CCZ1: variants seen among roughly 807,000 people sequenced by gnomAD.
CCZ1 encodes vacuolar fusion protein CCZ1 homolog.
Under a neutral mutation model 57.8 loss-of-function variants are expected in CCZ1, and 19 were observed. The ratio of observed to expected loss-of-function variants is 0.33; its 90% CI spans 0.23 to 0.48. The LOEUF (loss-of-function observed/expected upper bound fraction) is 0.48, where lower values mean the gene tolerates loss of function less well. Among genes scored for constraint, CCZ1 ranks in the 20% least tolerant of loss-of-function variants. CCZ1 has a pLI of 0.99. For missense variants in CCZ1, 200 were observed against 492.0 expected (o/e 0.41, Z 5.61); for synonymous variants, 81 against 167.0 (o/e 0.49, Z 3.97).
At chr7:5,901,075 T>C (rs1781676000) in intron 4 of CCZ1, 143 bp downstream of exon 4, 1 of 435,102 alleles carries the variant, frequency 2.3e-6, no homozygotes, top group East Asian at 4.0e-5. Context: ...GTTTATCATT[T>C]ACATGAGCAC....
At chr7:5,916,678 G>C (rs117062389) in intron 10 of CCZ1, among the ~76,000 whole-genome samples, 1 of 147,846 alleles carries the variant, frequency 6.8e-6, no homozygotes, top group Non-Finnish European at 1.5e-5. Context: ...CCTGAGCCTC[G>C]AGATCCAGAG....
intron 7 of CCZ1, among the ~76,000 whole-genome samples, chr7:5,907,884 A>C (rs1781871655): frequency 7.9e-6 from 1 of 126,986 alleles, no homozygotes; most frequent in Non-Finnish European, 1.6e-5. Context: ...ATCACTTGAG[A>C]CCAGGAGTTC....
intron 7 of CCZ1, among the ~76,000 whole-genome samples, chr7:5,907,737 C>G (rs1233357290): frequency 7.2e-6 from 1 of 138,998 alleles, no homozygotes; most frequent in African/African-American, 2.7e-5. Context: ...CTGCACAGAA[C>G]TGTTCTGTTG....
Position 5,906,700 on chromosome 7 carries a change from T to A in CCZ1, c.698+1431T>A, listed in dbSNP as rs1230004986. Among the ~76,000 whole-genome samples, 3 of 149,590 alleles carry A rather than the reference T, an allele frequency of 2.0e-5. 1 individual carries two copies. The highest frequency in any genetic ancestry group is 7.4e-5 in the African/African-American group (3 of 40,376). On this transcript the variant is annotated intron_variant, in intron 7 of 14. Transcript: ENST00000325974. ...ATTCAGCTAATAGAAAAGGCAAAAC[T>A]AGTTCCCCTAAAATTTACCTTCCCT...
In CCZ1 at chr7:5,925,934, A is replaced by C. The variant is rs1300886970; in HGVS notation, c.*247A>C. On this transcript the variant is annotated 3_prime_UTR_variant, in exon 15 of 15. Transcript: ENST00000325974. The stretch of plus-strand genomic sequence containing the variant: ...TCTTTTGACATTATGTGAATATTTT[A>C]CTGGAAAATAAGACTAATAAATTGT... 1.5e-6 allele frequency: 1 copy of C among 685,738 alleles called. No homozygotes were observed. The highest frequency in any genetic ancestry group is 2.7e-5 in the East Asian group (1 of 36,468). The allele number at this position is 685,738 out of a possible 1,614,324, so 42.5% of individuals were successfully genotyped here.
rs200899553 is a variant in CCZ1 at position 5,920,470 on chromosome 7, C to CT, written c.1106+521dup. Among the ~76,000 whole-genome samples the CT allele has an allele frequency of 1.3e-3, 122 of 95,970 alleles. 10 individuals carry two copies. Among genetic ancestry groups the CT allele is most frequent in the East Asian group, 3.5e-3 (13 of 3,746 alleles). 63.0% of individuals were successfully genotyped at this position (95,970 alleles called of 152,430 possible). ...ATGTCCTTGAATTCTTTCTCCCTGG[C>CT]TTTTTTTTTTTTTTTTTGAGACAAA... On this transcript the variant is annotated intron_variant, in intron 12 of 14. Transcript: ENST00000325974.
In CCZ1 at chr7:5,914,983, CACACCAAGAAGGA is replaced by C. The variant is rs1389989569; in HGVS notation, c.954+2034_954+2046del. On this transcript the variant is annotated intron_variant, in intron 10 of 14. Coordinates refer to ENST00000325974, the MANE Select transcript of CCZ1 (RefSeq NM_015622.6). ...GTCATCCGTCAGCAGAATAAGTGAGCACACCAAGAAGGAACACTTGGGAATCCAGAACAGTAGT... is the reference window on the plus strand; with the variant it reads ...GTCATCCGTCAGCAGAATAAGTGAGCACACTTGGGAATCCAGAACAGTAGT... Among the ~76,000 whole-genome samples, 6 of 147,020 alleles carry C rather than the reference CACACCAAGAAGGA, an allele frequency of 4.1e-5. No individual in the cohort carries two copies. The East Asian group carries it at 1.3e-3, about 33-fold the overall frequency.
intron 7 of CCZ1, among the ~76,000 whole-genome samples, chr7:5,907,694 T>C (rs1486749084): frequency 6.9e-6 from 1 of 144,864 alleles, no homozygotes; most frequent in Non-Finnish European, 1.5e-5. Flanking sequence ...TGGAATAGCA[T>C]CTGAGGGGTT....
intron 1 of CCZ1, among the ~76,000 whole-genome samples, chr7:5,899,332 GGGGTGTGTGTGT>G (rs1183432069): frequency 0.17 from 21,855 of 128,320 alleles, 1,483 homozygotes; most frequent in African/African-American, 0.19. Context: ...TTTCGGGAGG[GGGGTGTGTGTGT>G]GTGTGTGTGT....
rs1305813720 is a variant in CCZ1, at chr7:5,913,554, T to C, written c.954+600T>C. Reference sequence around the variant, plus strand: ...CAGGAAGGAGCGGGATGTGTCAGGATGAGGGAGTCCTGTCCCTCTCTGGAA... The same window carrying C: ...CAGGAAGGAGCGGGATGTGTCAGGACGAGGGAGTCCTGTCCCTCTCTGGAA... On this transcript the variant is annotated intron_variant, in intron 10 of 14. Transcript: ENST00000325974. Among the ~76,000 whole-genome samples, 18 of 147,856 alleles carry C rather than the reference T, an allele frequency of 1.2e-4. No individual in the cohort carries two copies. In the South Asian group the frequency reaches 2.1e-3, roughly 18 times the overall value.
chr7:5,925,985 G>GTGT lies in CCZ1; in HGVS notation c.*301_*303dup, dbSNP rs1779372664. 1 of 523,796 alleles carries GTGT rather than the reference G, an allele frequency of 1.9e-6. No homozygotes were observed. The highest frequency in any genetic ancestry group is 3.5e-6 in the Non-Finnish European group (1 of 285,068). The allele number at this position is 523,796 out of a possible 1,614,324, so 32.4% of individuals were successfully genotyped here. A position where few individuals can be genotyped will look rare whatever the true frequency, so the allele number is the denominator to read the frequency against. ...TAAAAGTTTTTAAAATTCTGGTTTG[G>GTGT]TGTTGAGTCTCTCTCCTGCTGCCTA... On this transcript the variant is annotated 3_prime_UTR_variant, in exon 15 of 15. Coordinates refer to ENST00000325974, the MANE Select transcript of CCZ1 (RefSeq NM_015622.6).
chr7:5,909,689 C>T (rs1781921226), intron 7 of CCZ1, among the ~76,000 whole-genome samples: 2 of 123,304 alleles, frequency 1.6e-5, no homozygotes, highest in Admixed American at 1.8e-4. Context: ...CAGAGCAAGA[C>T]CTTGTCTCAA....
At chr7:5,912,376 CCTTT>C (rs1779057638) in intron 9 of CCZ1, among the ~76,000 whole-genome samples, 2 of 99,850 alleles carry the variant, frequency 2.0e-5, no homozygotes, top group African/African-American at 4.1e-5. Flanking sequence ...TTCAGCATAC[CCTTT>C]TTTTTTTTTT....
Position 5,911,520 on chromosome 7 carries a change from C to T in CCZ1, c.781-341C>T, listed in dbSNP as rs1779031939. 1.3e-5 allele frequency among the ~76,000 whole-genome samples: 2 copies of T among 148,964 alleles called. 1 individual carries two copies. Among genetic ancestry groups the T allele is most frequent in the South Asian group, 4.4e-4 (2 of 4,544 alleles). On this transcript the variant is annotated intron_variant, in intron 8 of 14. Coordinates refer to ENST00000325974, the MANE Select transcript of CCZ1 (RefSeq NM_015622.6). ...ATGTTGCCCAGGCTATTCTCAAACT[C>T]CTGGGCTCAAGTAATCTGCCTGCCT...
chr7:5,912,679 C>T (rs538603548), intron 9 of CCZ1, among the ~76,000 whole-genome samples, 164 bp from the exon 10 acceptor site: 1 of 151,264 alleles, frequency 6.6e-6, no homozygotes, highest in South Asian at 2.1e-4. Flanking sequence ...GGATTACAGG[C>T]ATGAGCCACC....
chr7:5,916,498 G>GT (rs764065119), intron 10 of CCZ1, among the ~76,000 whole-genome samples: 3 of 111,008 alleles, frequency 2.7e-5, no homozygotes, highest in Non-Finnish European at 3.8e-5. Context: ...TTTTTGTTTT[G>GT]TTTTTTGTTT....
At chr7:5,900,700 A>C (rs1781667061) in intron 3 of CCZ1, 134 bp downstream of exon 3, 2 of 1,426,564 alleles carry the variant, frequency 1.4e-6, no homozygotes, top group Non-Finnish European at 1.9e-6. Flanking sequence ...TGCAATTTTA[A>C]AATCAAGTTC....
Position 5,907,676 on chromosome 7 carries a change from C to T in CCZ1, c.699-2359C>T, listed in dbSNP as rs1180281629. On this transcript the variant is annotated intron_variant, in intron 7 of 14. Transcript: ENST00000325974. ...CCAGCTCTGGGGATCCTGTTGGCAT[C>T]GTCATCTTGGAATAGCATCTGAGGG... Among the ~76,000 whole-genome samples the T allele has an allele frequency of 1.4e-5, 2 of 145,852 alleles. 1 individual carries two copies. The highest frequency in any genetic ancestry group is 5.1e-5 in the African/African-American group (2 of 38,982).
chr7:5,906,815 A>C (rs551282026), intron 7 of CCZ1, among the ~76,000 whole-genome samples: 1 of 151,004 alleles, frequency 6.6e-6, no homozygotes, highest in Non-Finnish European at 1.5e-5. Flanking sequence ...GTGGGTTTCC[A>C]CATGAACTTT....
Sources: allele counts gnomAD v4.1 joint callset (sites outside exome capture counted in the v4.1 genomes callset), GRCh38; gene constraint gnomAD v4.1.1; transcripts MANE v1.5; gene names NCBI Gene and HGNC (gene_info 2026-07-23, HGNC 2026-07-21).